The following HUNK variants were observed in gnomAD, a reference collection of about 807,000 sequenced individuals.
The protein encoded by HUNK is hormonally up-regulated neu tumor-associated kinase.
In HUNK, 21 loss-of-function variants were observed where a neutral mutation model predicts 61.0. The observed-to-expected ratio is 0.34, with a 90% CI of 0.24 to 0.50. The LOEUF (loss-of-function observed/expected upper bound fraction) is 0.50, where lower values mean the gene tolerates loss of function less well. Among genes scored for constraint, HUNK ranks in the 20% least tolerant of loss-of-function variants. The probability of loss-of-function intolerance (pLI) is 0.98; values close to 1 mark genes in which losing one functional copy is unlikely to be tolerated. For synonymous variants in HUNK, 371 were observed against 386.1 expected (o/e 0.96, Z 0.46); for missense variants, 772 against 945.7 (o/e 0.82, Z 2.41).
At chr21:31,883,881 C>A (rs908878476) in intron 1 of HUNK, among the ~76,000 whole-genome samples, 2 of 152,122 alleles carry the variant, frequency 1.3e-5, no homozygotes, top group Admixed American at 1.3e-4. Context: ...AACACCGGTG[C>A]CAGTTGGGCT....
chr21:31,941,591 G>C (rs986597803), intron 3 of HUNK, among the ~76,000 whole-genome samples: 2 of 152,190 alleles, frequency 1.3e-5, no homozygotes, highest in Non-Finnish European at 2.9e-5. Context: ...ACAGGCATGA[G>C]CCACCATGCC....
intron 6 of HUNK, among the ~76,000 whole-genome samples, chr21:31,969,714 G>A (rs2052997043): frequency 6.6e-6 from 1 of 151,938 alleles, no homozygotes; most frequent in Admixed American, 6.6e-5. Flanking sequence ...CCACAGGCAT[G>A]AGCCACCATG....
intron 2 of HUNK, among the ~76,000 whole-genome samples, chr21:31,931,938 G>A (rs567946085): frequency 1.3e-5 from 2 of 150,602 alleles, no homozygotes; most frequent in East Asian, 2.0e-4. Flanking sequence ...ACACACACGC[G>A]CGCCCACCGC....
At chr21:31,886,430 A>AG (rs1469416983) in intron 1 of HUNK, among the ~76,000 whole-genome samples, 2 of 151,540 alleles carry the variant, frequency 1.3e-5, no homozygotes, top group Non-Finnish European at 2.9e-5. Flanking sequence ...TCTCAAAAAA[A>AG]AAAAAAAAGA....
chr21:31,894,635 A>T lies in HUNK; in HGVS notation c.261+20700A>T, dbSNP rs190590104. Among the ~76,000 whole-genome samples the T allele has an allele frequency of 3.2e-3, 488 of 152,090 alleles. 1 individual carries two copies. The highest frequency in any genetic ancestry group is 5.0e-3 in the Non-Finnish European group (337 of 67,998). On this transcript the variant is annotated intron_variant, in intron 1 of 10. Coordinates refer to ENST00000270112, the MANE Select transcript of HUNK (RefSeq NM_014586.2). ...GACATCCCCTCTGGGTGAACCAATT[A>T]AAAAAAAGCACTTCCTCAAGTGGGC...
chr21:31,949,575 G>GCGCACACA (rs1555879246), intron 4 of HUNK, among the ~76,000 whole-genome samples: 2 of 150,504 alleles, frequency 1.3e-5, no homozygotes, highest in African/African-American at 4.9e-5. Flanking sequence ...AAGAATTTGT[G>GCGCACACA]CACACACACA....
rs2053241389 is a variant in HUNK at position 32,000,919 on chromosome 21, G to A, written c.*1735G>A. The A allele has an allele frequency of 2.5e-6, 1 of 396,178 alleles. No homozygotes were observed. Among genetic ancestry groups the A allele is most frequent in the African/African-American group, 2.1e-5 (1 of 48,518 alleles). The allele number at this position is 396,178 out of a possible 1,614,324, so 24.5% of individuals were successfully genotyped here. A position where few individuals can be genotyped will look rare whatever the true frequency, so the allele number is the denominator to read the frequency against. On this transcript the variant is annotated 3_prime_UTR_variant, in exon 11 of 11. Transcript: ENST00000270112. ...ATTCTAGGATGAGGTCAGACCCCTT[G>A]GCCATTGGTGTTATTTTTTGTATAG... is the stretch of plus-strand genomic sequence containing the variant.
chr21:31,969,652 C>T (rs1026642575), intron 6 of HUNK, among the ~76,000 whole-genome samples: 2 of 151,912 alleles, frequency 1.3e-5, no homozygotes, highest in African/African-American at 2.4e-5. Context: ...CTACAGCCTC[C>T]ACCTCCTGAG....
chr21:31,960,447 C>A (rs2123842217), intron 5 of HUNK, among the ~76,000 whole-genome samples: 1 of 151,124 alleles, frequency 6.6e-6, no homozygotes, highest in South Asian at 2.1e-4. Flanking sequence ...TGTAGATGCA[C>A]ACACAATTGC....
At chr21:31,985,209 G>A (rs1302658488) in intron 8 of HUNK, among the ~76,000 whole-genome samples, 1 of 152,156 alleles carries the variant, frequency 6.6e-6, no homozygotes, top group East Asian at 1.9e-4. Flanking sequence ...ATTTGAGAAG[G>A]GATCAAAAAG....
At chr21:31,902,194 AC>A (rs1483715351) in intron 1 of HUNK, among the ~76,000 whole-genome samples, 3 of 152,018 alleles carry the variant, frequency 2.0e-5, no homozygotes, top group Admixed American at 1.3e-4. Context: ...CAGAGGGGAA[AC>A]TTTTGGTTCA....
At chr21:31,902,704 T>C (rs999899852) in intron 1 of HUNK, among the ~76,000 whole-genome samples, 1 of 152,164 alleles carries the variant, frequency 6.6e-6, no homozygotes, top group Non-Finnish European at 1.5e-5. Flanking sequence ...GAAATGGCGA[T>C]TGTCCAAAGA....
At chr21:31,876,712 G>A (rs1317249405) in intron 1 of HUNK, among the ~76,000 whole-genome samples, 1 of 152,178 alleles carries the variant, frequency 6.6e-6, no homozygotes, top group African/African-American at 2.4e-5. Flanking sequence ...CCCCCACTGT[G>A]GGTGACCCAG....
At chr21:31,931,913 T>TGCACGCGCGCACACACAC (rs1448698404) in intron 2 of HUNK, among the ~76,000 whole-genome samples, 1 of 152,100 alleles carries the variant, frequency 6.6e-6, no homozygotes, top group Non-Finnish European at 1.5e-5. Flanking sequence ...ATGTGATGCA[T>TGCACGCGCGCACACACAC]GCACGCGCGC....
intron 2 of HUNK, among the ~76,000 whole-genome samples, chr21:31,931,661 C>T (rs771641033): frequency 1.6e-4 from 25 of 152,194 alleles, no homozygotes; most frequent in Non-Finnish European, 2.9e-4. Flanking sequence ...TGCTCAGCCT[C>T]CTCACTCGGG....
At chr21:31,954,476 T>C (rs1348182301) in intron 4 of HUNK, among the ~76,000 whole-genome samples, 2 of 152,226 alleles carry the variant, frequency 1.3e-5, no homozygotes, top group East Asian at 1.9e-4. Context: ...ACAGGTTAAA[T>C]AGAACCAAGA....
chr21:31,996,776 G>A lies in HUNK; in HGVS notation c.1486+828G>A, dbSNP rs550866468. ...TGTCTGAGATACACTCAGGTGTAGC[G>A]GGCAGTTAGTCCCTGAGCGGGACTT... is the stretch of plus-strand genomic sequence containing the variant. On this transcript the variant is annotated intron_variant, in intron 10 of 10. Transcript: ENST00000270112. Among the ~76,000 whole-genome samples the A allele has an allele frequency of 2.6e-5, 4 of 152,258 alleles. No individual in the cohort carries two copies. The South Asian group carries it at 8.3e-4, about 32-fold the overall frequency.
chr21:31,908,858 C>A (rs986268362), intron 1 of HUNK, among the ~76,000 whole-genome samples: 1 of 152,062 alleles, frequency 6.6e-6, no homozygotes, highest in Non-Finnish European at 1.5e-5. Context: ...GGATTTAAGA[C>A]CATTGGGTGT....
At chr21:31,984,255 AATG>A (rs1265055147) in intron 8 of HUNK, among the ~76,000 whole-genome samples, 1 of 152,220 alleles carries the variant, frequency 6.6e-6, no homozygotes, top group Non-Finnish European at 1.5e-5. Context: ...AATAAAAAGA[AATG>A]ATAAATATTT....
Sources: gnomAD v4.1 joint callset for allele counts (sites outside exome capture counted in the v4.1 genomes callset) on GRCh38, gnomAD v4.1.1 for gene constraint, MANE v1.5 for transcripts, NCBI Gene and HGNC (gene_info 2026-07-23, HGNC 2026-07-21) for gene names.